The following PRRC2C variants were observed in gnomAD, a reference collection of about 807,000 sequenced individuals.
PRRC2C encodes the protein proline rich coiled-coil 2C.
PRRC2C carries 72 observed loss-of-function variants against 317.2 expected under a neutral mutation model. The ratio of observed to expected loss-of-function variants is 0.23; its 90% CI spans 0.19 to 0.28. PRRC2C has a LOEUF of 0.28. Among genes scored for constraint, PRRC2C ranks in the 10% least tolerant of loss-of-function variants. The pLI, the probability that PRRC2C is intolerant of heterozygous loss-of-function variation, is 1.00. For missense variants in PRRC2C, 3,074 were observed against 3,459.7 expected, an observed-to-expected ratio of 0.89 and a Z score of 2.80; for synonymous variants, 1,296 against 1,205.9, an observed-to-expected ratio of 1.07 and a Z score of -1.55.
intron 3 of PRRC2C, among the ~76,000 whole-genome samples, chr1:171,514,032 T>C (rs951451488): frequency 6.6e-6 from 1 of 152,192 alleles, no homozygotes; most frequent in African/African-American, 2.4e-5. Context: ...TCAAAACACC[T>C]TTTACTCATG....
intron 27 of PRRC2C, 33 bp from the exon 28 acceptor site, chr1:171,579,795 T>C: frequency 6.6e-7 from 1 of 1,504,042 alleles, no homozygotes; most frequent in Non-Finnish European, 8.9e-7. Flanking sequence ...GATGTTGATA[T>C]ATATGTTTAC....
chr1:171,487,763 A>G (rs1213425487), intron 1 of PRRC2C, among the ~76,000 whole-genome samples: 1 of 152,200 alleles, frequency 6.6e-6, no homozygotes, highest in Non-Finnish European at 1.5e-5. Context: ...TAAAAGGTCA[A>G]CTAATAGTGG....
rs1236588021 is a variant in PRRC2C at position 171,540,827 on chromosome 1, G to A, written c.3361G>A (p.Val1121Ile). 1 of 1,613,770 alleles carries A rather than the reference G, an allele frequency of 6.2e-7. No homozygotes were observed. The highest frequency in any genetic ancestry group is 8.5e-7 in the Non-Finnish European group (1 of 1,179,824). ...GAGTACTGTTCAGGTAGAGCCTGCA[G>A]TTAAGACTGTAAACCAACAGACTAT... ...PVSTVQVEPA[V>I]KTVNQQTMAA... Residue 1121 changes from valine to isoleucine, a missense_variant, in exon 16 of 35, where the codon GTT becomes ATT. Physicochemically the swap from Val to Ile is conservative, Grantham distance 29. This residue lies in a region of PRRC2C where 1,320 missense variants were observed against 1,395.7 expected (regional missense o/e 0.95). Transcript: ENST00000647382.
At chr1:171,537,561 AG>A in intron 15 of PRRC2C, 88 bp downstream of exon 15, 1 of 1,156,956 alleles carries the variant, frequency 8.6e-7, no homozygotes, top group Non-Finnish European at 1.2e-6. Context: ...ATTCCAATTT[AG>A]GACTGAAGCA....
intron 16 of PRRC2C, 108 bp from the exon 17 acceptor site, chr1:171,545,371 T>C: frequency 3.3e-6 from 3 of 904,570 alleles, no homozygotes; most frequent in Non-Finnish European, 5.0e-6. Context: ...GAGTTTTCTA[T>C]CCCAACAGTG....
rs1037309075 is a variant in PRRC2C at position 171,558,069 on chromosome 1, A to G, written c.5957A>G (p.His1986Arg). The G allele has an allele frequency of 9.9e-6, 16 of 1,613,906 alleles. No individual in the cohort carries two copies. The highest frequency in any genetic ancestry group is 9.9e-5 in the South Asian group (9 of 91,094). Residue 1986 changes from histidine to arginine, a missense_variant, in exon 19 of 35, where the codon CAT (histidine) becomes CGT (arginine). His to Arg is a conservative substitution (Grantham distance 29). Coordinates refer to ENST00000647382, the MANE Select transcript of PRRC2C (RefSeq NM_001387844.1). ...SGKSIQTPQS[H>R]GTLTAELWDN... is the part of the protein sequence containing the mutation. The stretch of plus-strand genomic sequence containing the variant: ...AAATCCATCCAGACCCCACAGTCAC[A>G]TGGCACTCTGACAGCTGAATTATGG...
At chr1:171,536,301 G>A in intron 14 of PRRC2C, 23 bp downstream of exon 14, 1 of 1,599,268 alleles carries the variant, frequency 6.3e-7, no homozygotes, top group Non-Finnish European at 8.5e-7. Context: ...TGCATTTATA[G>A]TTTTACAGGA....
intron 6 of PRRC2C, among the ~76,000 whole-genome samples, chr1:171,518,472 AT>A (rs1259215578): frequency 1.6e-4 from 18 of 111,022 alleles, no homozygotes; most frequent in Admixed American, 1.6e-3. Flanking sequence ...ATTTTTTTCA[AT>A]TTTTTTTCAA....
chr1:171,571,283 A>G (rs767065041), intron 23 of PRRC2C, 37 bp from the exon 24 acceptor site: 3 of 1,246,606 alleles, frequency 2.4e-6, no homozygotes, highest in Admixed American at 1.7e-5. Context: ...TAGTAGACAC[A>G]TAGTTAGATT....
At chr1:171,514,848 G>T (rs1260993490) in intron 4 of PRRC2C, among the ~76,000 whole-genome samples, 1 of 152,190 alleles carries the variant, frequency 6.6e-6, no homozygotes, top group East Asian at 1.9e-4. Flanking sequence ...CAATGATATT[G>T]GTTAAGGAAA....
chr1:171,557,835 C>T lies in PRRC2C; in HGVS notation c.5723C>T (p.Pro1908Leu), dbSNP rs1736628. 6.5e-7 allele frequency: 1 copy of T among 1,548,048 alleles called. No homozygotes were observed. The highest frequency in any genetic ancestry group is 2.0e-5 in the Admixed American group (1 of 50,868). The change falls in exon 19 of 35, where the codon CCT becomes CTT. Residue 1908 changes from proline (P) to leucine (L), a missense_variant. Pro to Leu is a moderately conservative substitution (Grantham distance 98). This residue lies in a region of PRRC2C where 640 missense variants were observed against 676.1 expected (regional missense o/e 0.95). Coordinates refer to ENST00000647382, the MANE Select transcript of PRRC2C (RefSeq NM_001387844.1). ...SAPTASVPLA[P>L]ASASAPAPAP... is the part of the protein sequence containing the mutation. ...CCAACTGCCTCAGTCCCACTTGCCCCTGCCTCAGCTTCAGCCCCAGCCCCA... is the reference window on the plus strand; with the variant it reads ...CCAACTGCCTCAGTCCCACTTGCCCTTGCCTCAGCTTCAGCCCCAGCCCCA...
chr1:171,523,579 T>C, intron 9 of PRRC2C, 57 bp downstream of exon 9: 1 of 1,353,200 alleles, frequency 7.4e-7, no homozygotes. Flanking sequence ...CAATATTAGC[T>C]ACTTATGCAA....
Position 171,591,877 on chromosome 1 carries a change from G to T in PRRC2C, c.*30G>T. ...TATGGTTTATTGCAGGGGATTGGGA[G>T]GGGGGCGGGAAAACATGGAGAATTA... On this transcript the variant is annotated 3_prime_UTR_variant, in exon 35 of 35. Transcript: ENST00000647382. The T allele has an allele frequency of 2.8e-6, 2 of 712,808 alleles. No homozygotes were observed. The highest frequency in any genetic ancestry group is 1.5e-5 in the South Asian group (1 of 65,118). The allele number at this position is 712,808 out of a possible 1,614,324, so 44.2% of individuals were successfully genotyped here. A position where few individuals can be genotyped will look rare whatever the true frequency, so the allele number is the denominator to read the frequency against.
intron 1 of PRRC2C, chr1:171,511,149 A>G (rs916458968): frequency 3.3e-5 from 5 of 152,092 alleles, no homozygotes; most frequent in South Asian, 2.1e-4. Context: ...GATCGTTTCT[A>G]TGGTAGAATT....
chr1:171,570,200 C>T (rs927670545), intron 23 of PRRC2C, among the ~76,000 whole-genome samples: 5 of 152,162 alleles, frequency 3.3e-5, no homozygotes, highest in Admixed American at 3.3e-4. Context: ...GAGTTAAAAA[C>T]GAATGTCCTT....
intron 25 of PRRC2C, 65 bp downstream of exon 25, chr1:171,575,193 C>T (rs1685490092): frequency 2.9e-6 from 4 of 1,391,782 alleles, no homozygotes; most frequent in Non-Finnish European, 3.9e-6. Flanking sequence ...ATGATCTCTT[C>T]TTGTTTACTA....
intron 28 of PRRC2C, among the ~76,000 whole-genome samples, chr1:171,581,234 T>C (rs940858024): frequency 5.9e-5 from 9 of 152,218 alleles, no homozygotes; most frequent in Non-Finnish European, 1.2e-4. Context: ...GGGATTATCT[T>C]GGAATTTATA....
intron 12 of PRRC2C, among the ~76,000 whole-genome samples, chr1:171,533,812 C>T (rs185121492): frequency 5.9e-5 from 9 of 152,200 alleles, no homozygotes; most frequent in East Asian, 1.9e-4. Flanking sequence ...TTAGTAGAGA[C>T]GGGGTTTCAC....
chr1:171,566,655 T>G lies in PRRC2C; in HGVS notation c.6370T>G (p.Ser2124Ala). Residue 2124 changes from serine (S) to alanine (A), a missense_variant, in exon 22 of 35, where the codon TCA (serine) becomes GCA (alanine). Ser to Ala is a moderately conservative substitution (Grantham distance 99). Around this residue, in one of 11 missense-constraint regions of PRRC2C, gnomAD observed 640 missense variants for 676.1 expected, o/e 0.95. Coordinates refer to ENST00000647382, the MANE Select transcript of PRRC2C (RefSeq NM_001387844.1). ...HKPGPIGKER[S>A]LKNRKVKDAQ... is the part of the protein sequence containing the mutation. Reference sequence around the variant, plus strand: ...ACCTGGTCCCATTGGAAAGGAACGTTCATTAAAAAATAGAAAAGTAAAAGA... The same window carrying G: ...ACCTGGTCCCATTGGAAAGGAACGTGCATTAAAAAATAGAAAAGTAAAAGA... The G allele has an allele frequency of 1.2e-6, 2 of 1,609,052 alleles. No homozygotes were observed. Among genetic ancestry groups the G allele is most frequent in the Non-Finnish European group, 8.5e-7 (1 of 1,177,338 alleles).
Sources: gnomAD v4.1 joint callset for allele counts (sites outside exome capture counted in the v4.1 genomes callset) on GRCh38, gnomAD v4.1.1 for gene constraint, gnomAD v4.1.1 regional missense constraint, MANE v1.5 for transcripts, NCBI Gene and HGNC (gene_info 2026-07-23, HGNC 2026-07-21) for gene names.